Variants in CCDC158 observed in about 807,000 individuals in gnomAD.
CCDC158 encodes the protein coiled-coil domain-containing protein 158.
In CCDC158, 116 loss-of-function variants were observed where a neutral mutation model predicts 138.6. The observed-to-expected ratio is 0.84, with a 90% CI of 0.72 to 0.98. The LOEUF (loss-of-function observed/expected upper bound fraction) is 0.98, where lower values mean the gene tolerates loss of function less well. CCDC158 is among the 50% of genes least tolerant of loss of function. CCDC158 has a pLI of 0.00. For missense variants in CCDC158, 1,265 were observed against 1,306.1 expected (o/e 0.97, Z 0.48); for synonymous variants, 436 against 442.4 (o/e 0.99, Z 0.18).
At chr4:76,315,077 G>T (rs1340188910) in intron 24 of CCDC158, among the ~76,000 whole-genome samples, 1 of 152,184 alleles carries the variant, frequency 6.6e-6, no homozygotes, top group East Asian at 1.9e-4. Context: ...TGGAGACACT[G>T]GCGCTGTTAG....
Position 76,367,841 on chromosome 4 carries a change from T to C in CCDC158, c.1348-65A>G. 4.1e-6 allele frequency: 6 copies of C among 1,452,844 alleles called. No individual in the cohort carries two copies. The South Asian group carries it at 8.4e-5, about 20-fold the overall frequency. 90.0% of individuals were successfully genotyped at this position (1,452,844 alleles called of 1,614,324 possible). On this transcript the variant is annotated intron_variant, in intron 11 of 24. Coordinates refer to ENST00000682701, the MANE Select transcript of CCDC158 (RefSeq NM_001394954.1). ...GATAGGTATAGGCAACCTCAAGAGATACAAGTTAACTTAAAAGCATGAAAT... is the reference window on the plus strand; with the variant it reads ...GATAGGTATAGGCAACCTCAAGAGACACAAGTTAACTTAAAAGCATGAAAT...
intron 18 of CCDC158, among the ~76,000 whole-genome samples, chr4:76,347,743 A>G (rs1056947424): frequency 5.3e-5 from 8 of 152,150 alleles, no homozygotes; most frequent in African/African-American, 1.7e-4. Flanking sequence ...ATCGCCTAGA[A>G]CCCAAAATTA....
intron 18 of CCDC158, chr4:76,344,655 A>G: frequency 1.2e-6 from 2 of 1,607,518 alleles, no homozygotes; most frequent in Non-Finnish European, 1.7e-6. Context: ...GCACACAAAG[A>G]CCACACTGCC....
intron 24 of CCDC158, among the ~76,000 whole-genome samples, chr4:76,321,803 A>T: frequency 6.8e-6 from 1 of 147,714 alleles, no homozygotes; most frequent in Non-Finnish European, 1.5e-5. Context: ...ATATATATAC[A>T]CACCATGTAA....
At chr4:76,352,450 A>G (rs1425942881) in intron 16 of CCDC158, 1 of 152,194 alleles carries the variant, frequency 6.6e-6, no homozygotes, top group Non-Finnish European at 1.5e-5. Context: ...AATAACCACA[A>G]CTGAAATTCA....
chr4:76,418,867 G>T (rs1729901044), intron 1 of CCDC158, among the ~76,000 whole-genome samples: 1 of 152,180 alleles, frequency 6.6e-6, no homozygotes, highest in African/African-American at 2.4e-5. Context: ...GGTCCCAGAA[G>T]TGAATCATTA....
chr4:76,368,297 C>A (rs1724892303), intron 11 of CCDC158, among the ~76,000 whole-genome samples: 1 of 152,058 alleles, frequency 6.6e-6, no homozygotes, highest in Non-Finnish European at 1.5e-5. Context: ...TTCCCTCCAA[C>A]TTTACCTTTA....
intron 17 of CCDC158, 57 bp from the exon 18 acceptor site, chr4:76,351,178 T>C: frequency 2.0e-6 from 3 of 1,492,992 alleles, no homozygotes; most frequent in Non-Finnish European, 9.0e-7. Flanking sequence ...TATAAAGAAA[T>C]GTGAAATCAA....
At chr4:76,381,256 G>A (rs750206556) in intron 8 of CCDC158, among the ~76,000 whole-genome samples, 13 of 152,218 alleles carry the variant, frequency 8.5e-5, no homozygotes, top group East Asian at 1.9e-4. Flanking sequence ...CACTGTGCAC[G>A]TGGAAAAACT....
At chr4:76,379,783 G>A (rs1726059261) in intron 8 of CCDC158, among the ~76,000 whole-genome samples, 1 of 140,164 alleles carries the variant, frequency 7.1e-6, no homozygotes, top group South Asian at 2.3e-4. Flanking sequence ...CACACACACG[G>A]TTTGGCTCTG....
At chr4:76,352,056 A>C (rs1036864411) in intron 16 of CCDC158, 4 of 342,354 alleles carry the variant, frequency 1.2e-5, no homozygotes, top group African/African-American at 8.5e-5. Context: ...ACAATGAATG[A>C]ACTAAGGATG....
At chr4:76,367,870 G>A in intron 11 of CCDC158, 94 bp from the exon 12 acceptor site, 1 of 1,187,452 alleles carries the variant, frequency 8.4e-7, no homozygotes, top group East Asian at 2.4e-5. Context: ...ATGAAATCAT[G>A]AATTAGGCAA....
chr4:76,343,789 A>C (rs371717389), intron 18 of CCDC158, among the ~76,000 whole-genome samples: 2 of 152,214 alleles, frequency 1.3e-5, no homozygotes, highest in Non-Finnish European at 2.9e-5. Flanking sequence ...TGACAGAGTG[A>C]GACTCCATCT....
At chr4:76,352,847 A>G (rs1056882514) in intron 16 of CCDC158, 3 of 285,474 alleles carry the variant, frequency 1.1e-5, no homozygotes, top group African/African-American at 6.6e-5. Flanking sequence ...GTCACTATGG[A>G]TATCAGGAAC....
At chr4:76,350,251 C>T (rs1261181484) in intron 18 of CCDC158, among the ~76,000 whole-genome samples, 1 of 152,150 alleles carries the variant, frequency 6.6e-6, no homozygotes, top group Admixed American at 6.5e-5. Context: ...TTTCAGCGCA[C>T]ACATCTTAAG....
chr4:76,323,173 A>G (rs1720196267), intron 24 of CCDC158, 129 bp downstream of exon 24: 1 of 641,628 alleles, frequency 1.6e-6, no homozygotes, highest in Non-Finnish European at 2.7e-6. Flanking sequence ...AGACCCTTAT[A>G]TTTAGACTTC....
At chr4:76,362,364 A>T (rs976033203) in intron 12 of CCDC158, 49 bp from the exon 13 acceptor site, 1 of 1,362,470 alleles carries the variant, frequency 7.3e-7, no homozygotes, top group African/African-American at 1.5e-5. Flanking sequence ...AAATATGTAC[A>T]TGTATAGTTA....
intron 11 of CCDC158, 32 bp downstream of exon 11, chr4:76,369,394 T>C (rs1725010255): frequency 1.2e-6 from 2 of 1,601,956 alleles, no homozygotes; most frequent in Non-Finnish European, 1.7e-6. Context: ...AGGAGATTGT[T>C]TGGCGATGGC....
intron 1 of CCDC158, among the ~76,000 whole-genome samples, 72 bp downstream of exon 1, chr4:76,420,893 C>T (rs1205480742): frequency 1.3e-5 from 2 of 152,180 alleles, no homozygotes; most frequent in Non-Finnish European, 2.9e-5. Flanking sequence ...GAACACGAGT[C>T]GCTCCGGGTC....
Sources: gnomAD v4.1 joint callset for allele counts (sites outside exome capture counted in the v4.1 genomes callset) on GRCh38, gnomAD v4.1.1 for gene constraint, MANE v1.5 for transcripts, NCBI Gene and HGNC (gene_info 2026-07-23, HGNC 2026-07-21) for gene names.